Variants in ADAM18 observed in about 807,000 individuals in gnomAD.
ADAM18 encodes the protein disintegrin and metalloproteinase domain-containing protein 18.
Under a neutral mutation model 94.4 loss-of-function variants are expected in ADAM18, and 117 were observed. The observed-to-expected ratio is 1.24, with a 90% confidence interval of 1.07 to 1.45. The LOEUF (loss-of-function observed/expected upper bound fraction) is 1.45. Ranked by LOEUF, ADAM18 falls within the 40% of genes most tolerant of loss-of-function variation. The pLI, the probability that ADAM18 is intolerant of heterozygous loss-of-function variation, is 0.00. For synonymous variants in ADAM18, 327 were observed against 291.6 expected (o/e 1.12, Z -1.24); for missense variants, 936 against 880.0 (o/e 1.06, Z -0.81).
chr8:39,678,357 A>G (rs1821352252), intron 15 of ADAM18, among the ~76,000 whole-genome samples: 1 of 152,218 alleles, frequency 6.6e-6, no homozygotes, highest in South Asian at 2.1e-4. Context: ...GGGTGGGACT[A>G]AAGTAGTATC....
At chr8:39,587,055 T>C (rs377339499) in intron 2 of ADAM18, among the ~76,000 whole-genome samples, 12 of 152,342 alleles carry the variant, frequency 7.9e-5, no homozygotes, top group African/African-American at 2.9e-4. Flanking sequence ...TTCATGTTTT[T>C]AAAACTTTAT....
chr8:39,721,691 C>T (rs1170175420), intron 18 of ADAM18, among the ~76,000 whole-genome samples: 1 of 151,284 alleles, frequency 6.6e-6, no homozygotes, highest in Admixed American at 6.6e-5. Context: ...CAGAGAAATG[C>T]AAATTAAAAC....
chr8:39,670,909 C>G (rs1821135936), intron 14 of ADAM18, among the ~76,000 whole-genome samples: 1 of 152,204 alleles, frequency 6.6e-6, no homozygotes, highest in Non-Finnish European at 1.5e-5. Context: ...GGGTTTTATA[C>G]AAAAGTCTGC....
intron 12 of ADAM18, among the ~76,000 whole-genome samples, chr8:39,655,446 A>G (rs1476306609): frequency 2.0e-5 from 3 of 152,162 alleles, no homozygotes; most frequent in Non-Finnish European, 4.4e-5. Flanking sequence ...CAGAATGTAA[A>G]AAAAGTGATC....
intron 2 of ADAM18, among the ~76,000 whole-genome samples, chr8:39,588,065 C>T (rs1247971750): frequency 6.6e-6 from 1 of 152,100 alleles, no homozygotes; most frequent in East Asian, 1.9e-4. Flanking sequence ...AGTTGCATTG[C>T]TGGATTATAT....
chr8:39,631,373 C>T lies in ADAM18; in HGVS notation c.588+1934C>T, dbSNP rs540364661. 2.1e-3 allele frequency among the ~76,000 whole-genome samples: 321 copies of T among 151,800 alleles called. 2 individuals are homozygous for T. The highest frequency in any genetic ancestry group is 2.2e-3 in the Non-Finnish European group (149 of 67,836). On this transcript the variant is annotated intron_variant, in intron 7 of 19. Transcript: ENST00000265707. ...TATATTTTTAATTGAGCAATGTGTA[C>T]GCTGTGAGGCAGGGTTCTCTTTTTT... is the stretch of plus-strand genomic sequence containing the variant.
chr8:39,684,343 C>A (rs1415084331), intron 16 of ADAM18, among the ~76,000 whole-genome samples: 1 of 151,936 alleles, frequency 6.6e-6, no homozygotes, highest in Non-Finnish European at 1.5e-5. Flanking sequence ...ATATGGCCTA[C>A]CCCCTAGGAA....
intron 17 of ADAM18, among the ~76,000 whole-genome samples, chr8:39,698,950 G>A (rs1476660078): frequency 6.6e-6 from 1 of 152,044 alleles, no homozygotes; most frequent in South Asian, 2.1e-4. Context: ...TTTTGAATTA[G>A]ATTTTAGCTT....
chr8:39,597,660 C>G (rs1472667598), intron 2 of ADAM18, among the ~76,000 whole-genome samples: 1 of 152,182 alleles, frequency 6.6e-6, no homozygotes, highest in African/African-American at 2.4e-5. Context: ...GCCAATACCA[C>G]AATCTGCTAA....
intron 18 of ADAM18, among the ~76,000 whole-genome samples, chr8:39,712,742 G>A (rs1448184775): frequency 6.6e-6 from 1 of 152,002 alleles, no homozygotes; most frequent in Non-Finnish European, 1.5e-5. Context: ...GGGATGTAAA[G>A]GGCATCTGCA....
chr8:39,586,159 A>G (rs1226481659), intron 2 of ADAM18, among the ~76,000 whole-genome samples: 1 of 152,200 alleles, frequency 6.6e-6, no homozygotes, highest in Non-Finnish European at 1.5e-5. Context: ...TACCATGGCT[A>G]TGTTCTACTA....
intron 17 of ADAM18, among the ~76,000 whole-genome samples, chr8:39,701,588 G>A (rs574787123): frequency 6.6e-6 from 1 of 152,172 alleles, no homozygotes; most frequent in Admixed American, 6.5e-5. Context: ...TCATCACCCA[G>A]GTATTAAGCC....
chr8:39,708,776 G>C (rs1217269320), intron 18 of ADAM18, among the ~76,000 whole-genome samples: 1 of 152,208 alleles, frequency 6.6e-6, no homozygotes, highest in Non-Finnish European at 1.5e-5. Flanking sequence ...CCACTCACTG[G>C]GACCTGATGT....
At chr8:39,679,144 C>G (rs1012484768) in intron 15 of ADAM18, among the ~76,000 whole-genome samples, 1 of 152,094 alleles carries the variant, frequency 6.6e-6, no homozygotes, top group African/African-American at 2.4e-5. Context: ...TCAATCTTTA[C>G]TTCTTGGTGT....
In ADAM18 at chr8:39,637,525, T is replaced by G. The variant is rs1336537577; in HGVS notation, c.661-12T>G. 6.3e-7 allele frequency: 1 copy of G among 1,589,714 alleles called. No homozygotes were observed. Among genetic ancestry groups the G allele is most frequent in the Non-Finnish European group, 8.6e-7 (1 of 1,168,650 alleles). On this transcript the variant is annotated splice_polypyrimidine_tract_variant and intron_variant, in intron 8 of 19. Coordinates refer to ENST00000265707, the MANE Select transcript of ADAM18 (RefSeq NM_014237.3). The stretch of plus-strand genomic sequence containing the variant: ...TGTTTCTTTAAAAATGTACAATACA[T>G]CTTATTTTTAGATGTTTACCCAGTT...
rs539583896 is a variant in ADAM18, at chr8:39,654,674, G to A, written c.1230+6147G>A. Among the ~76,000 whole-genome samples the A allele has an allele frequency of 5.1e-3, 775 of 152,120 alleles. 5 individuals carry two copies. Among genetic ancestry groups the A allele is most frequent in the Non-Finnish European group, 6.2e-3 (421 of 68,008 alleles). On this transcript the variant is annotated intron_variant, in intron 12 of 19. Coordinates refer to ENST00000265707, the MANE Select transcript of ADAM18 (RefSeq NM_014237.3). ...TAGATTTCCATTAACATGTGCAAGC[G>A]TTTCCCTTTCTCAGCATCCACATTA...
intron 18 of ADAM18, among the ~76,000 whole-genome samples, chr8:39,722,688 T>C (rs1208300369): frequency 1.3e-5 from 2 of 151,586 alleles, no homozygotes; most frequent in Non-Finnish European, 3.0e-5. Context: ...TCAAAGTGTA[T>C]ACAACATGAA....
Position 39,648,382 on chromosome 8 carries a change from T to G in ADAM18, c.1085T>G (p.Met362Arg). 6.2e-7 allele frequency: 1 copy of G among 1,610,640 alleles called. No individual in the cohort carries two copies. Among genetic ancestry groups the G allele is most frequent in the Non-Finnish European group, 8.5e-7 (1 of 1,178,652 alleles). The change falls in exon 12 of 20, where the codon ATG becomes AGG. Residue 362 changes from methionine to arginine, a missense_variant. By Grantham distance (91) the Met-to-Arg change is moderately conservative. Transcript: ENST00000265707. ...AGAAAGATTTTTAGCAACTGCAGCA[T>G]GCACGACTATAGATATTTTGTTTCA... ...SGRKIFSNCS[M>R]HDYRYFVSKF...
At chr8:39,637,784 C>G in intron 9 of ADAM18, 81 bp downstream of exon 9, 1 of 1,321,416 alleles carries the variant, frequency 7.6e-7, no homozygotes, top group Non-Finnish European at 1.0e-6. Context: ...TTGCGTTCTT[C>G]AGTTTTTTGT....
Sources: allele counts gnomAD v4.1 joint callset (sites outside exome capture counted in the v4.1 genomes callset), GRCh38; gene constraint gnomAD v4.1.1; transcripts MANE v1.5; gene names NCBI Gene and HGNC (gene_info 2026-07-23, HGNC 2026-07-21).